Variants in GATAD2A observed in about 807,000 individuals in gnomAD.
GATAD2A encodes transcriptional repressor p66-alpha.
A neutral mutation model predicts 68.5 loss-of-function variants in GATAD2A; 12 were observed. The ratio of observed to expected loss-of-function variants is 0.18; its 90% confidence interval spans 0.11 to 0.28. The LOEUF is 0.28. GATAD2A is among the 10% of genes least tolerant of loss of function. The pLI is 1.00. For missense variants in GATAD2A, 755 were observed against 868.5 expected (o/e 0.87, Z 1.64); for synonymous variants, 410 against 375.3 (o/e 1.09, Z -1.07).
intron 1 of GATAD2A, among the ~76,000 whole-genome samples, chr19:19,391,495 T>G (rs1320673674): frequency 2.0e-5 from 3 of 152,192 alleles, no homozygotes; most frequent in Admixed American, 1.3e-4. Flanking sequence ...ATTTAAAATA[T>G]AAGAACTAAG....
At chr19:19,481,661 T>G (rs906981413) in intron 2 of GATAD2A, among the ~76,000 whole-genome samples, 1 of 152,208 alleles carries the variant, frequency 6.6e-6, no homozygotes, top group African/African-American at 2.4e-5. Flanking sequence ...ACTTGTCTTG[T>G]GATTTGGGTA....
Position 19,502,012 on chromosome 19 carries a change from C to T in GATAD2A, c.1547C>T (p.Ala516Val). ...AAGTTGGCGTTCCGCTCAGGAGAGG[C>T]CCGCGACTGGAGTAACGGGGCTGTG... is the stretch of plus-strand genomic sequence containing the variant. ...RRKLAFRSGE[A>V]RDWSNGAVLQ... Residue 516 changes from alanine to valine, a missense_variant, in exon 10 of 12, where the codon GCC (alanine) becomes GTC (valine). Transcript: ENST00000683918. 1.2e-6 allele frequency: 2 copies of T among 1,613,926 alleles called. No homozygotes were observed. The highest frequency in any genetic ancestry group is 1.7e-6 in the Non-Finnish European group (2 of 1,179,882).
intron 8 of GATAD2A, 24 bp downstream of exon 8, chr19:19,498,746 G>A (rs374534812): frequency 3.2e-6 from 5 of 1,581,876 alleles, no homozygotes; most frequent in Non-Finnish European, 3.5e-6. Context: ...ACCCAGCCGG[G>A]CTGCTTCCGC....
intron 2 of GATAD2A, among the ~76,000 whole-genome samples, chr19:19,482,267 G>A (rs1475953230): frequency 6.6e-6 from 1 of 152,160 alleles, no homozygotes; most frequent in Non-Finnish European, 1.5e-5. Context: ...AGCCAGGTGT[G>A]GTAGTGGGCG....
intron 2 of GATAD2A, among the ~76,000 whole-genome samples, chr19:19,484,152 T>G (rs2059253032): frequency 6.6e-6 from 1 of 152,110 alleles, no homozygotes; most frequent in Non-Finnish European, 1.5e-5. Context: ...CGGACTGGCC[T>G]GGGCAACACA....
intron 1 of GATAD2A, among the ~76,000 whole-genome samples, chr19:19,453,736 G>T (rs576094287): frequency 5.5e-4 from 84 of 151,944 alleles, no homozygotes; most frequent in African/African-American, 2.0e-3. Context: ...GAGCGCAGTG[G>T]AGCAATCTCA....
intron 2 of GATAD2A, among the ~76,000 whole-genome samples, chr19:19,466,737 A>G (rs1313032074): frequency 6.6e-6 from 1 of 152,182 alleles, no homozygotes; most frequent in Non-Finnish European, 1.5e-5. Flanking sequence ...CTGCTGTCCA[A>G]AGAGGGCTTT....
chr19:19,398,865 C>A (rs1335880340), intron 1 of GATAD2A, among the ~76,000 whole-genome samples: 2 of 151,646 alleles, frequency 1.3e-5, no homozygotes, highest in East Asian at 3.9e-4. Flanking sequence ...TTAAGACCAG[C>A]CTGGCCAACA....
intron 1 of GATAD2A, among the ~76,000 whole-genome samples, chr19:19,400,193 T>G (rs1041523115): frequency 6.6e-6 from 1 of 152,202 alleles, no homozygotes; most frequent in Non-Finnish European, 1.5e-5. Flanking sequence ...ACAGCACTTC[T>G]GAGCAGTTTG....
intron 1 of GATAD2A, chr19:19,436,287 C>T (rs2054333625): frequency 2.4e-6 from 2 of 831,716 alleles, no homozygotes; most frequent in African/African-American, 1.7e-5. Context: ...CGGTCAGCTT[C>T]TTGGACACTT....
rs567959261 is a variant in GATAD2A, at chr19:19,387,434, C to T, written c.-7+1296C>T. ...TCCTGGGTTCAAGCGACTCTTCTGC[C>T]TCAGCTTCCTGAGTAGCTGGGACTA... On this transcript the variant is annotated intron_variant, in intron 1 of 11. Coordinates refer to the GATAD2A transcript ENST00000360315. 1.9e-3 allele frequency among the ~76,000 whole-genome samples: 288 copies of T among 152,206 alleles called. 1 individual carries two copies. Among genetic ancestry groups the T allele is most frequent in the African/African-American group, 6.7e-3 (280 of 41,526 alleles).
intron 1 of GATAD2A, among the ~76,000 whole-genome samples, chr19:19,452,359 T>TG (rs1361068986): frequency 6.6e-6 from 1 of 152,154 alleles, no homozygotes; most frequent in East Asian, 1.9e-4. Flanking sequence ...CAGAGGTTGA[T>TG]GGGGAGACTG....
At chr19:19,469,792 C>A (rs1000932326) in intron 2 of GATAD2A, among the ~76,000 whole-genome samples, 1 of 151,398 alleles carries the variant, frequency 6.6e-6, no homozygotes, top group African/African-American at 2.4e-5. Flanking sequence ...ACTAAAAATA[C>A]AAAAATTAGC....
intron 1 of GATAD2A, among the ~76,000 whole-genome samples, chr19:19,416,829 C>G (rs1399888220): frequency 1.3e-5 from 2 of 151,708 alleles, no homozygotes; most frequent in African/African-American, 4.8e-5. Flanking sequence ...ATGGCTCTAT[C>G]TTGGCTCACT....
chr19:19,493,188 A>G (rs900200930), intron 4 of GATAD2A, among the ~76,000 whole-genome samples: 10 of 152,078 alleles, frequency 6.6e-5, no homozygotes, highest in African/African-American at 2.4e-4. Context: ...ATCCGCCCAC[A>G]CGGGCCTCCC....
chr19:19,480,395 A>G (rs1054023677), intron 2 of GATAD2A, among the ~76,000 whole-genome samples: 11 of 152,244 alleles, frequency 7.2e-5, no homozygotes, highest in African/African-American at 1.7e-4. Context: ...AGTAGCAAAT[A>G]TAAGTTTTCC....
Position 19,483,350 on chromosome 19 carries a change from C to T in GATAD2A, c.270-8956C>T, listed in dbSNP as rs1488901521. ...GAATGATGGCTGAGTTTCAAAAATCCCATCCCAGCTGCTCACCTCCACGGC... is the reference window on the plus strand; with the variant it reads ...GAATGATGGCTGAGTTTCAAAAATCTCATCCCAGCTGCTCACCTCCACGGC... On this transcript the variant is annotated intron_variant, in intron 2 of 11. Transcript: ENST00000683918. Among the ~76,000 whole-genome samples the T allele has an allele frequency of 2.0e-5, 3 of 152,176 alleles. No individual in the cohort carries two copies. The South Asian group carries it at 6.2e-4, about 32-fold the overall frequency.
chr19:19,444,480 GGT>G (rs1000238036), intron 1 of GATAD2A, among the ~76,000 whole-genome samples: 19 of 152,152 alleles, frequency 1.2e-4, no homozygotes, highest in African/African-American at 4.1e-4. Flanking sequence ...GCACCCCAAG[GGT>G]GTCCCTGATC....
chr19:19,425,766 A>C (rs1236696163), intron 1 of GATAD2A, among the ~76,000 whole-genome samples: 1 of 151,472 alleles, frequency 6.6e-6, no homozygotes, highest in Non-Finnish European at 1.5e-5. Context: ...TTGACAGGGG[A>C]CATAGTGGTT....
Sources: allele counts gnomAD v4.1 joint callset (sites outside exome capture counted in the v4.1 genomes callset), GRCh38; gene constraint gnomAD v4.1.1; transcripts MANE v1.5; gene names NCBI Gene and HGNC (gene_info 2026-07-23, HGNC 2026-07-21).